The following OPHN1 variants were observed in gnomAD, a reference collection of about 807,000 sequenced individuals.
The protein encoded by OPHN1 is oligophrenin-1.
OPHN1 carries 11 observed loss-of-function variants against 60.7 expected under a neutral mutation model. The observed-to-expected ratio is 0.18, with a 90% CI of 0.11 to 0.30. The LOEUF is 0.30. Among genes scored for constraint, OPHN1 ranks in the 10% least tolerant of loss-of-function variants. The pLI is 1.00. For synonymous variants in OPHN1, 226 were observed against 222.6 expected, an observed-to-expected ratio of 1.02 and a Z score of -0.14; for missense variants, 449 against 611.0, an observed-to-expected ratio of 0.73 and a Z score of 2.80.
chrX:68,068,470 C>CAAAAAAA (rs61188762), intron 20 of OPHN1, among the ~76,000 whole-genome samples: 4 of 39,789 alleles, frequency 1.0e-4, no homozygotes, highest in Admixed American at 4.1e-4. Context: ...GACTCCATCT[C>CAAAAAAA]AAAAAAAAAA....
At chrX:68,071,158 C>T (rs1314485281) in intron 20 of OPHN1, 66 of 735,445 alleles carry the variant, frequency 9.0e-5, no homozygotes, top group Admixed American at 3.6e-4. Context: ...CAGGAAGGGT[C>T]GCTATGGGCT....
At chrX:68,210,389 C>A in intron 8 of OPHN1, 107 bp from the exon 9 acceptor site, 2 of 802,272 alleles carry the variant, frequency 2.5e-6, no homozygotes, top group Admixed American at 2.9e-5. Context: ...ACAGCATGTG[C>A]AACCACAAAG....
Position 68,384,721 on chromosome X carries a change from C to CAA in OPHN1, c.154+48144_154+48145dup, listed in dbSNP as rs749261692. ...TGGGCGACAGAGGGAGACTCCATCT[C>CAA]AAAAAAAAAAAAAGAAGAAGAATAT... On this transcript the variant is annotated intron_variant, in intron 2 of 24. Coordinates refer to ENST00000355520, the MANE Select transcript of OPHN1 (RefSeq NM_002547.3). Among the ~76,000 whole-genome samples the CAA allele has an allele frequency of 8.6e-4, 73 of 84,828 alleles. 2 individuals carry two copies. The highest frequency in any genetic ancestry group is 9.3e-4 in the Non-Finnish European group (42 of 44,976). The allele number at this position is 84,828 out of a possible 115,157, so 73.7% of individuals were successfully genotyped here. A position where few individuals can be genotyped will look rare whatever the true frequency, so the allele number is the denominator to read the frequency against.
chrX:68,137,657 T>C (rs2077226251), intron 15 of OPHN1, among the ~76,000 whole-genome samples: 1 of 111,962 alleles, frequency 8.9e-6, no homozygotes, highest in Non-Finnish European at 1.9e-5. Flanking sequence ...TAGTTGGGCA[T>C]GTATGTATGT....
At chrX:68,174,434 A>G (rs1469832955) in intron 15 of OPHN1, among the ~76,000 whole-genome samples, 2 of 107,285 alleles carry the variant, frequency 1.9e-5, no homozygotes, top group East Asian at 5.9e-4. Flanking sequence ...ATTTAAGGCC[A>G]GTCTTCCCAG....
intron 15 of OPHN1, among the ~76,000 whole-genome samples, chrX:68,155,451 T>G (rs2077305250): frequency 8.9e-6 from 1 of 112,005 alleles, no homozygotes; most frequent in Non-Finnish European, 1.9e-5. Context: ...GCTGCTCTCC[T>G]GCCACCATGT....
At chrX:68,271,371 C>CAA (rs760572422) in intron 5 of OPHN1, among the ~76,000 whole-genome samples, 3 of 70,294 alleles carry the variant, frequency 4.3e-5, no homozygotes, top group African/African-American at 5.2e-5. Flanking sequence ...ACAGAAATTA[C>CAA]AAAAAAAAAA....
intron 18 of OPHN1, among the ~76,000 whole-genome samples, chrX:68,100,989 G>A (rs1313346227): frequency 6.3e-5 from 7 of 110,829 alleles, no homozygotes; most frequent in African/African-American, 1.6e-4. Context: ...CTCGTGATCC[G>A]CCCGCCTCGG....
chrX:68,059,378 G>C (rs1172339287), intron 21 of OPHN1, among the ~76,000 whole-genome samples: 1 of 111,209 alleles, frequency 9.0e-6, no homozygotes, highest in African/African-American at 3.3e-5. Flanking sequence ...AGTAGGAGGA[G>C]GTTGATTCCT....
intron 15 of OPHN1, among the ~76,000 whole-genome samples, chrX:68,168,513 G>A (rs1569231398): frequency 9.1e-6 from 1 of 110,165 alleles, no homozygotes; most frequent in Non-Finnish European, 1.9e-5. Context: ...ACTGTGTAGA[G>A]GTAAATTTAT....
At chrX:68,273,524 A>G (rs1307555622) in intron 5 of OPHN1, among the ~76,000 whole-genome samples, 1 of 112,382 alleles carries the variant, frequency 8.9e-6, no homozygotes, top group Non-Finnish European at 1.9e-5. Flanking sequence ...AGTATTGTCC[A>G]ACGGAACTTT....
chrX:68,291,767 A>G (rs1239980947), intron 3 of OPHN1, among the ~76,000 whole-genome samples: 11 of 110,772 alleles, frequency 9.9e-5, no homozygotes, highest in Non-Finnish European at 1.1e-4. Flanking sequence ...CATGCCTCCC[A>G]TAAGACTTGC....
chrX:68,112,243 G>A, intron 17 of OPHN1: 2 of 212,631 alleles, frequency 9.4e-6, no homozygotes, highest in South Asian at 1.5e-4. Flanking sequence ...AAAAAAGGCA[G>A]AAAAAGAGAA....
intron 2 of OPHN1, among the ~76,000 whole-genome samples, chrX:68,410,476 C>T (rs2078763831): frequency 9.1e-6 from 1 of 109,998 alleles, no homozygotes; most frequent in Non-Finnish European, 1.9e-5. Flanking sequence ...GCAGGAGAAT[C>T]GCTTGAACCC....
intron 17 of OPHN1, among the ~76,000 whole-genome samples, 159 bp from the exon 18 acceptor site, chrX:68,112,118 GAC>G (rs1569215529): frequency 9.3e-6 from 1 of 107,355 alleles, no homozygotes; most frequent in Non-Finnish European, 1.9e-5. Flanking sequence ...GACACCCAGA[GAC>G]ACACACAGAG....
intron 15 of OPHN1, among the ~76,000 whole-genome samples, chrX:68,131,704 TAAGTA>T (rs927423318): frequency 5.4e-5 from 6 of 111,538 alleles, no homozygotes; most frequent in African/African-American, 9.8e-5. Flanking sequence ...GGATAAACAG[TAAGTA>T]AAGATGTAGA....
intron 15 of OPHN1, among the ~76,000 whole-genome samples, chrX:68,169,042 C>G (rs1298573865): frequency 9.0e-6 from 1 of 111,313 alleles, no homozygotes; most frequent in Non-Finnish European, 1.9e-5. Context: ...AGTGCAGGAC[C>G]AGATGGATTC....
chrX:68,115,487 C>A (rs1488080431), intron 16 of OPHN1, among the ~76,000 whole-genome samples: 7 of 111,909 alleles, frequency 6.3e-5, no homozygotes, highest in African/African-American at 2.3e-4. Context: ...TAGAGAAAAA[C>A]AAAAAGCAAG....
At chrX:68,229,522 G>T (rs2077716022) in intron 6 of OPHN1, among the ~76,000 whole-genome samples, 1 of 111,527 alleles carries the variant, frequency 9.0e-6, no homozygotes, top group South Asian at 3.8e-4. Flanking sequence ...ATACTACAAG[G>T]CTACAGTAAC....
Sources: gnomAD v4.1 joint callset for allele counts (sites outside exome capture counted in the v4.1 genomes callset) on GRCh38, gnomAD v4.1.1 for gene constraint, MANE v1.5 for transcripts, NCBI Gene and HGNC (gene_info 2026-07-23, HGNC 2026-07-21) for gene names.